Variants in KLF8 observed in about 807,000 individuals in gnomAD.
KLF8 encodes KLF transcription factor 8.
Under a neutral mutation model 18.2 loss-of-function variants are expected in KLF8, and 10 were observed. The ratio of observed to expected loss-of-function variants is 0.55; its 90% CI spans 0.34 to 0.93. KLF8 has a LOEUF of 0.93. KLF8 is among the 40% of genes least tolerant of loss of function. KLF8 has a pLI of 0.02. For synonymous variants in KLF8, 109 were observed against 97.3 expected (o/e 1.12, Z -0.71); for missense variants, 264 against 277.9 (o/e 0.95, Z 0.36).
chrX:56,181,829 C>T, the KLF8 span, among the ~76,000 whole-genome samples: 8 of 105,308 alleles, frequency 7.6e-5, no homozygotes, highest in Non-Finnish European at 3.9e-5. Flanking sequence ...CCAAGAGATC[C>T]ACAGTCAGTC....
At chrX:55,940,194 T>G in the KLF8 span, among the ~76,000 whole-genome samples, 1 of 112,073 alleles carries the variant, frequency 8.9e-6, no homozygotes, top group Admixed American at 9.5e-5. Flanking sequence ...CACGTGGACT[T>G]CATTCCTGGG....
the KLF8 span, among the ~76,000 whole-genome samples, chrX:56,006,912 A>G: frequency 4.5e-5 from 5 of 111,735 alleles, no homozygotes; most frequent in Non-Finnish European, 9.4e-5. Context: ...CGGATAGCAG[A>G]TAGTGTGCTT....
At chrX:56,018,431 G>A in the KLF8 span, among the ~76,000 whole-genome samples, 2 of 111,723 alleles carry the variant, frequency 1.8e-5, no homozygotes, top group Admixed American at 9.5e-5. Flanking sequence ...CTGAATGAAA[G>A]TCATAATAAA....
chrX:56,106,244 T>G, the KLF8 span, among the ~76,000 whole-genome samples: 1 of 111,573 alleles, frequency 9.0e-6, no homozygotes, highest in African/African-American at 3.3e-5. Flanking sequence ...ATGTATTTCC[T>G]GAATTTGAAT....
the KLF8 span, among the ~76,000 whole-genome samples, chrX:55,991,485 C>T: frequency 9.0e-6 from 1 of 111,656 alleles, no homozygotes; most frequent in African/African-American, 3.3e-5. Flanking sequence ...CCTCGGCTCC[C>T]ACTCGGTGCA....
the KLF8 span, among the ~76,000 whole-genome samples, chrX:55,959,886 A>C: frequency 2.4e-4 from 18 of 74,744 alleles, no homozygotes; most frequent in Admixed American, 2.1e-3. Context: ...AGGAAAATGC[A>C]AAAAAAAAAA....
At chrX:56,144,253 C>A in the KLF8 span, among the ~76,000 whole-genome samples, 1 of 111,338 alleles carries the variant, frequency 9.0e-6, no homozygotes, top group Admixed American at 9.6e-5. Flanking sequence ...ATTTTCATGA[C>A]CTTGCATTTG....
At chrX:56,155,374 A>G in the KLF8 span, among the ~76,000 whole-genome samples, 14 of 111,011 alleles carry the variant, frequency 1.3e-4, no homozygotes, top group Admixed American at 6.7e-4. Context: ...CAAACATCAC[A>G]TGTTCTCTCT....
At chrX:56,037,365 C>T in the KLF8 span, among the ~76,000 whole-genome samples, 80 of 109,180 alleles carry the variant, frequency 7.3e-4, no homozygotes, top group Non-Finnish European at 2.5e-4. Flanking sequence ...GAAGATTGGT[C>T]TGTTTTTTTT....
chrX:56,165,937 C>T, the KLF8 span, among the ~76,000 whole-genome samples: 270 of 110,368 alleles, frequency 2.4e-3, 1 homozygote, highest in Non-Finnish European at 3.5e-3. Context: ...AAGACTTCTG[C>T]CACATAGAGG....
chrX:56,214,356 G>A, the KLF8 span, among the ~76,000 whole-genome samples: 1 of 112,234 alleles, frequency 8.9e-6, no homozygotes, highest in Non-Finnish European at 1.9e-5. Context: ...TAAGTACTTT[G>A]TGGATTATCT....
At chrX:55,964,308 G>T in the KLF8 span, among the ~76,000 whole-genome samples, 1 of 112,154 alleles carries the variant, frequency 8.9e-6, no homozygotes, top group Admixed American at 9.4e-5. Context: ...ATTCATACAG[G>T]TTCACACCTG....
chrX:56,028,240 G>C, the KLF8 span, among the ~76,000 whole-genome samples: 1 of 111,897 alleles, frequency 8.9e-6, no homozygotes, highest in Non-Finnish European at 1.9e-5. Flanking sequence ...TGTTGTAGAG[G>C]CCCCCATTCA....
At chrX:56,205,993 A>G in the KLF8 span, among the ~76,000 whole-genome samples, 9 of 111,824 alleles carry the variant, frequency 8.0e-5, no homozygotes, top group Non-Finnish European at 1.7e-4. Flanking sequence ...TGGAAGGCTA[A>G]TGAGGAGCAA....
the KLF8 span, among the ~76,000 whole-genome samples, chrX:56,055,934 A>G: frequency 1.8e-5 from 2 of 111,631 alleles, no homozygotes; most frequent in East Asian, 5.6e-4. Flanking sequence ...ATTTCTTTCT[A>G]TAGTGGCTAT....
chrX:56,212,601 C>T, the KLF8 span, among the ~76,000 whole-genome samples: 2 of 112,076 alleles, frequency 1.8e-5, no homozygotes, highest in South Asian at 3.7e-4. Context: ...AACAGGATCC[C>T]ACTGAGTTCA....
At chrX:56,098,059 G>A in the KLF8 span, among the ~76,000 whole-genome samples, 2 of 111,163 alleles carry the variant, frequency 1.8e-5, no homozygotes, top group Non-Finnish European at 3.8e-5. Flanking sequence ...GGAGGTAGGG[G>A]CTGAGTGATT....
At chrX:56,158,093 C>T in the KLF8 span, among the ~76,000 whole-genome samples, 3 of 111,667 alleles carry the variant, frequency 2.7e-5, no homozygotes, top group Non-Finnish European at 5.6e-5. Flanking sequence ...GATCCAGTTT[C>T]AGCTTTCTAC....
chrX:56,184,599 G>A, the KLF8 span, among the ~76,000 whole-genome samples: 2 of 112,040 alleles, frequency 1.8e-5, no homozygotes, highest in Non-Finnish European at 3.8e-5. Context: ...CCGAACTCCT[G>A]AGCAGCCTAA....
Sources: gnomAD v4.1 joint callset for allele counts (sites outside exome capture counted in the v4.1 genomes callset) on GRCh38, gnomAD v4.1.1 for gene constraint, MANE v1.5 for transcripts, NCBI Gene and HGNC (gene_info 2026-07-23, HGNC 2026-07-21) for gene names.